NPR2: variants seen among roughly 807,000 people sequenced by gnomAD.
The protein encoded by NPR2 is natriuretic peptide receptor 2.
NPR2 carries 49 observed loss-of-function variants against 120.7 expected under a neutral mutation model. The observed-to-expected ratio is 0.41, with a 90% CI of 0.32 to 0.52. The LOEUF (loss-of-function observed/expected upper bound fraction) is 0.52, where lower values mean the gene tolerates loss of function less well. NPR2 is among the 20% of genes least tolerant of loss of function. NPR2 has a pLI of 0.36. For missense variants in NPR2, 931 were observed against 1,362.9 expected (o/e 0.68, Z 4.99); for synonymous variants, 484 against 519.8 (o/e 0.93, Z 0.94).
Position 35,792,284 on chromosome 9 carries a change from A to G in NPR2, c.-125A>G. The G allele has an allele frequency of 3.0e-6, 3 of 1,001,796 alleles. No homozygotes were observed. Among genetic ancestry groups the G allele is most frequent in the Non-Finnish European group, 4.3e-6 (3 of 702,616 alleles). 62.1% of individuals were successfully genotyped at this position (1,001,796 alleles called of 1,614,324 possible). ...CCCAGCACCTTCTGCATCCCAGCCTACCTAGCCTACTCCTCCTCTTCCTGG... is the reference window on the plus strand; with the variant it reads ...CCCAGCACCTTCTGCATCCCAGCCTGCCTAGCCTACTCCTCCTCTTCCTGG... On this transcript the variant is annotated 5_prime_UTR_variant, in exon 1 of 22. Transcript: ENST00000342694.
chr9:35,808,257 G>A lies in NPR2; in HGVS notation c.2713-252G>A, dbSNP rs752425088. ...GCCTATTTGTCCATGTCCTGCTGCA[G>A]ACAGGGTGTTCATTCATTCCGCAAA... On this transcript the variant is annotated intron_variant, in intron 18 of 21. Coordinates refer to ENST00000342694, the MANE Select transcript of NPR2 (RefSeq NM_003995.4). The surrounding 1 kb of genome is among the most constrained non-coding windows in gnomAD (Gnocchi z 4.0). 8 of 1,614,194 alleles carry A rather than the reference G, an allele frequency of 5.0e-6. No homozygotes were observed. Among genetic ancestry groups the A allele is most frequent in the Non-Finnish European group, 6.8e-6 (8 of 1,180,024 alleles).
chr9:35,795,731 CT>C (rs1563984925), intron 2 of NPR2, among the ~76,000 whole-genome samples: 1 of 152,192 alleles, frequency 6.6e-6, no homozygotes, highest in Non-Finnish European at 1.5e-5. Context: ...CTTCCATATT[CT>C]TTAAGACTCA....
intron 2 of NPR2, among the ~76,000 whole-genome samples, chr9:35,794,998 C>G (rs1357357840): frequency 6.6e-6 from 1 of 152,128 alleles, no homozygotes. Context: ...GAAAGAAACG[C>G]ATTTCAGATT....
rs951031929 is a variant in NPR2 at position 35,805,420 on chromosome 9, C to G, written c.1888-91C>G. Reference sequence around the variant, plus strand: ...CTTATTATTTTTGTGGACCCAAGATCTGTAGACAGCTAGCCAGTGCCCATC... The same window carrying G: ...CTTATTATTTTTGTGGACCCAAGATGTGTAGACAGCTAGCCAGTGCCCATC... On this transcript the variant is annotated intron_variant, in intron 12 of 21. Transcript: ENST00000342694. The surrounding 1 kb of genome is among the most constrained non-coding windows in gnomAD (Gnocchi z 4.9). The G allele has an allele frequency of 2.3e-6, 3 of 1,306,200 alleles. No individual in the cohort carries two copies. The highest frequency in any genetic ancestry group is 2.2e-6 in the Non-Finnish European group (2 of 901,008). 80.9% of individuals were successfully genotyped at this position (1,306,200 alleles called of 1,614,324 possible).
intron 3 of NPR2, 58 bp from the exon 4 acceptor site, chr9:35,799,964 A>G: frequency 6.2e-7 from 1 of 1,608,178 alleles, no homozygotes; most frequent in Non-Finnish European, 8.5e-7. Context: ...GACCCCAGAG[A>G]GAGGGGAAGG....
At chr9:35,807,441 A>G in intron 18 of NPR2, 43 bp downstream of exon 18, 1 of 1,481,744 alleles carries the variant, frequency 6.7e-7, no homozygotes, top group Non-Finnish European at 9.4e-7. Context: ...CCTTTAATAG[A>G]GACCCGCTTT....
Position 35,792,721 on chromosome 9 carries a change from G to A in NPR2, c.313G>A (p.Ala105Thr), listed in dbSNP as rs778932244. Residue 105 changes from alanine to threonine, a missense_variant, in exon 1 of 22, where the codon GCT (alanine) becomes ACT (threonine). Transcript: ENST00000342694. ...GTTAGGTCCCGGTTGCGTGTACCCT[G>A]CTGCCTCTGTGGCCCGCTTTGCCTC... ...LLLGPGCVYP[A>T]ASVARFASHW... 6.2e-7 allele frequency: 1 copy of A among 1,614,122 alleles called. No individual in the cohort carries two copies. The highest frequency in any genetic ancestry group is 8.5e-7 in the Non-Finnish European group (1 of 1,180,038).
In NPR2 at chr9:35,808,337, C is replaced by G. The variant is rs3763631; in HGVS notation, c.2713-172C>G. The G allele has an allele frequency of 0.29, 438,446 of 1,518,044 alleles. 66,506 individuals are homozygous for G. The highest frequency in any genetic ancestry group is 0.31 in the Non-Finnish European group (344,173 of 1,093,902). The allele number at this position is 1,518,044 out of a possible 1,614,324, so 94.0% of individuals were successfully genotyped here. On this transcript the variant is annotated intron_variant, in intron 18 of 21. Coordinates refer to ENST00000342694, the MANE Select transcript of NPR2 (RefSeq NM_003995.4). The surrounding 1 kb of genome is among the most constrained non-coding windows in gnomAD (Gnocchi z 4.0). ...TGGAGAAAGAAGACTTAAAGATTCC[C>G]TAGACATCTCCTCTCCCCTAGACTC...
At chr9:35,797,391 C>T (rs1247435715) in intron 2 of NPR2, among the ~76,000 whole-genome samples, 1 of 152,184 alleles carries the variant, frequency 6.6e-6, no homozygotes, top group Non-Finnish European at 1.5e-5. Context: ...CCTACATGAC[C>T]AGCATGAGAT....
intron 2 of NPR2, among the ~76,000 whole-genome samples, chr9:35,798,536 G>A (rs1323370549): frequency 6.6e-6 from 1 of 152,228 alleles, no homozygotes; most frequent in Admixed American, 6.5e-5. Flanking sequence ...GGCCATATGT[G>A]ATGTGTCTAG....
Position 35,800,378 on chromosome 9 carries a change from T to G in NPR2, c.1124-11T>G. The G allele has an allele frequency of 1.2e-6, 2 of 1,611,954 alleles. No homozygotes were observed. The highest frequency in any genetic ancestry group is 8.5e-7 in the Non-Finnish European group (1 of 1,178,108). The stretch of plus-strand genomic sequence containing the variant: ...TAGACCTCAAAGAAAGGACACTCTT[T>G]TCTGTCTTAGGTGTAACTGGGCTGG... On this transcript the variant is annotated splice_polypyrimidine_tract_variant and intron_variant, in intron 4 of 21. Coordinates refer to ENST00000342694, the MANE Select transcript of NPR2 (RefSeq NM_003995.4). The surrounding 1 kb of genome is among the most constrained non-coding windows in gnomAD (Gnocchi z 4.7).
Position 35,800,541 on chromosome 9 carries a change from G to C in NPR2, c.1218+58G>C. ...GCCCTGCAAAATCCAGCTTTCAAGG[G>C]TTCAGTCGGGGCAGAACCAAAACTA... On this transcript the variant is annotated intron_variant, in intron 5 of 21. Coordinates refer to ENST00000342694, the MANE Select transcript of NPR2 (RefSeq NM_003995.4). This position sits in a 1 kb window ranked among gnomAD's most constrained non-coding sequence, Gnocchi z 4.7. 1 of 1,577,556 alleles carries C rather than the reference G, an allele frequency of 6.3e-7. No homozygotes were observed. The highest frequency in any genetic ancestry group is 1.1e-5 in the South Asian group (1 of 90,242).
In NPR2 at chr9:35,800,484, G is replaced by A; in HGVS notation, c.1218+1G>A. 2 of 1,612,564 alleles carry A rather than the reference G, an allele frequency of 1.2e-6. No individual in the cohort carries two copies. Among genetic ancestry groups the A allele is most frequent in the Non-Finnish European group, 1.7e-6 (2 of 1,178,594 alleles). On this transcript the variant is annotated splice_donor_variant, in intron 5 of 21. Transcript: ENST00000342694. LOFTEE classifies it high-confidence loss of function. This position sits in a 1 kb window ranked among gnomAD's most constrained non-coding sequence, Gnocchi z 4.7. ...AGACCTGGATTCTGGGGACTTTCAGGTGATGGAGGAGGAGGCAGGGAAGAG... is the reference window on the plus strand; with the variant it reads ...AGACCTGGATTCTGGGGACTTTCAGATGATGGAGGAGGAGGCAGGGAAGAG...
chr9:35,800,054 G>T lies in NPR2; in HGVS notation c.1020G>T (p.Gly340=), dbSNP rs775798542. 1.9e-6 allele frequency: 3 copies of T among 1,614,136 alleles called. No individual in the cohort carries two copies. Among genetic ancestry groups the T allele is most frequent in the Non-Finnish European group, 1.7e-6 (2 of 1,180,026 alleles). Residue 340 remains glycine, a synonymous_variant, in exon 4 of 22, where the codon GGG becomes GGT. Coordinates refer to ENST00000342694, the MANE Select transcript of NPR2 (RefSeq NM_003995.4). This position sits in a 1 kb window ranked among gnomAD's most constrained non-coding sequence, Gnocchi z 4.7. ...TCATCGCTGGCTGCTTCTATGATGGGATCCTGCTATATGCTGAAGTCCTGA... is the reference window on the plus strand; with the variant it reads ...TCATCGCTGGCTGCTTCTATGATGGTATCCTGCTATATGCTGAAGTCCTGA... The part of the protein sequence containing the change: ...MNLIAGCFYD[G]ILLYAEVLNE...
At position 35,791,758 on chromosome 9, in the gene NPR2, G is replaced by C. The variant is rs1827788531; in HGVS notation, c.-651G>C. Among the ~76,000 whole-genome samples, 1 of 151,898 alleles carries C rather than the reference G, an allele frequency of 6.6e-6. No homozygotes were observed. The highest frequency in any genetic ancestry group is 2.1e-4 in the South Asian group (1 of 4,836). ...GCGGAGCAGAGAGGAGCGGGGACAC[G>C]GGCGGGGCCGCCGTAGCTCCGGATG... On this transcript the variant is annotated 5_prime_UTR_variant, in exon 1 of 22. Transcript: ENST00000342694.
At chr9:35,801,347 C>A (rs1588059685) in intron 7 of NPR2, among the ~76,000 whole-genome samples, 193 bp downstream of exon 7, 1 of 152,222 alleles carries the variant, frequency 6.6e-6, no homozygotes, top group Admixed American at 6.5e-5. Context: ...GTTTGTTCCA[C>A]TTTTGGTCCT....
chr9:35,799,538 G>A, intron 2 of NPR2, 80 bp from the exon 3 acceptor site: 2 of 1,048,456 alleles, frequency 1.9e-6, no homozygotes, highest in Non-Finnish European at 1.5e-6. Flanking sequence ...ATTTTACCAA[G>A]TTTCCCTGTC....
Position 35,805,472 on chromosome 9 carries a change from G to A in NPR2, c.1888-39G>A. 1 of 1,609,298 alleles carries A rather than the reference G, an allele frequency of 6.2e-7. No individual in the cohort carries two copies. The highest frequency in any genetic ancestry group is 8.5e-7 in the Non-Finnish European group (1 of 1,175,502). On this transcript the variant is annotated intron_variant, in intron 12 of 21. Transcript: ENST00000342694. The surrounding 1 kb of genome is among the most constrained non-coding windows in gnomAD (Gnocchi z 4.9). ...CATGGAGAGAGGGTATTCTAAGCCA[G>A]ATATGATCCAATCCCATGACTTGAT...
Position 35,792,583 on chromosome 9 carries a change from G to A in NPR2, c.175G>A (p.Ala59Thr). The change falls in exon 1 of 22, where the codon GCA (alanine) becomes ACA (threonine). Residue 59 changes from alanine to threonine, a missense_variant. Ala to Thr is a moderately conservative substitution (Grantham distance 58). Around this residue, in one of 3 missense-constraint regions of NPR2, gnomAD observed 681 missense variants for 974.3 expected, o/e 0.70. Coordinates refer to ENST00000342694, the MANE Select transcript of NPR2 (RefSeq NM_003995.4). ...ACTAGCTGTGGAGGCTCTGGGCCGGGCACTGCCCGTGGACCTGCGGTTTGT... is the reference window on the plus strand; with the variant it reads ...ACTAGCTGTGGAGGCTCTGGGCCGGACACTGCCCGTGGACCTGCGGTTTGT... The part of the protein sequence containing the change: ...VALAVEALGR[A>T]LPVDLRFVSS... 2 of 1,613,136 alleles carry A rather than the reference G, an allele frequency of 1.2e-6. No homozygotes were observed. The highest frequency in any genetic ancestry group is 1.7e-6 in the Non-Finnish European group (2 of 1,180,000).
Sources: gnomAD v4.1 joint callset for allele counts (sites outside exome capture counted in the v4.1 genomes callset) on GRCh38, gnomAD v4.1.1 for gene constraint, gnomAD v4.1.1 regional missense constraint, Gnocchi (gnomAD v3.1) non-coding constraint, MANE v1.5 for transcripts, NCBI Gene and HGNC (gene_info 2026-07-23, HGNC 2026-07-21) for gene names.